The following PRSS12 variants were observed in gnomAD, a reference collection of about 807,000 sequenced individuals.
PRSS12 encodes the protein neurotrypsin.
In PRSS12, 85 loss-of-function variants were observed where a neutral mutation model predicts 104.4. The ratio of observed to expected loss-of-function variants is 0.81; its 90% CI spans 0.68 to 0.98. The LOEUF (loss-of-function observed/expected upper bound fraction) is 0.98, where lower values mean the gene tolerates loss of function less well. PRSS12 is among the 50% of genes least tolerant of loss of function. The pLI, the probability that PRSS12 is intolerant of heterozygous loss-of-function variation, is 0.00. For missense variants in PRSS12, 1,141 were observed against 1,139.2 expected (o/e 1.00, Z -0.02); for synonymous variants, 454 against 425.2 (o/e 1.07, Z -0.83).
At chr4:118,330,002 A>G (rs1514658) in intron 4 of PRSS12, among the ~76,000 whole-genome samples, 81,073 of 152,070 alleles carry the variant, frequency 0.53, 23,753 homozygotes, top group Admixed American at 0.71. Context: ...GTTTTTTCAA[A>G]AGAAACCAAG....
chr4:118,352,777 A>G lies in PRSS12; in HGVS notation c.-57T>C, dbSNP rs116781486. ...CCCCAGCTTCTCGGGCTTGGAGCGG[A>G]GAAGAGGAGGGGGCGGGGGCGGGGC... On this transcript the variant is annotated 5_prime_UTR_variant, in exon 1 of 13. Transcript: ENST00000296498. The G allele has an allele frequency of 1.9e-3, 3,080 of 1,589,314 alleles. 57 individuals are homozygous for G. The African/African-American group carries it at 0.036, about 19-fold the overall frequency.
At chr4:118,305,332 A>G (rs1307070991) in intron 8 of PRSS12, among the ~76,000 whole-genome samples, 1 of 152,036 alleles carries the variant, frequency 6.6e-6, no homozygotes, top group South Asian at 2.1e-4. Flanking sequence ...AATTACTTGT[A>G]AGACTATTTA....
At chr4:118,338,453 G>A in intron 1 of PRSS12, 139 bp from the exon 2 acceptor site, 1 of 1,093,462 alleles carries the variant, frequency 9.1e-7, no homozygotes, top group South Asian at 1.4e-5. Flanking sequence ...ACTGTGTGTG[G>A]CATGTGTTTC....
intron 11 of PRSS12, among the ~76,000 whole-genome samples, chr4:118,292,006 C>CGAT (rs1338008996): frequency 1.3e-5 from 2 of 151,678 alleles, no homozygotes. Flanking sequence ...CAGCAAACCA[C>CGAT]GATGACACGC....
intron 4 of PRSS12, among the ~76,000 whole-genome samples, chr4:118,323,596 T>A (rs1326682808): frequency 6.6e-6 from 1 of 151,874 alleles, no homozygotes. Context: ...ATAGTTTTTA[T>A]AACCTTGGAT....
intron 8 of PRSS12, among the ~76,000 whole-genome samples, chr4:118,304,487 T>G (rs1743488508): frequency 6.6e-6 from 1 of 152,008 alleles, no homozygotes; most frequent in Non-Finnish European, 1.5e-5. Context: ...AGATATCAGA[T>G]ACACTTAATT....
Position 118,352,269 on chromosome 4 carries a change from T to C in PRSS12, c.452A>G (p.Tyr151Cys). ...GTCCACCTTGCCACGGGCGTCTCCG[T>C]AGAAACACCAGGGTCTGCCCGCGCC... The part of the protein sequence containing the change: ...PDGAGRPWCF[Y>C]GDARGKVDWG... The change falls in exon 1 of 13, where the codon TAC becomes TGC. Residue 151 changes from tyrosine (Y) to cysteine (C), a missense_variant. By Grantham distance (194) the Tyr-to-Cys change is radical. Coordinates refer to ENST00000296498, the MANE Select transcript of PRSS12 (RefSeq NM_003619.4). 6.2e-7 allele frequency: 1 copy of C among 1,610,960 alleles called. No individual in the cohort carries two copies. Among genetic ancestry groups the C allele is most frequent in the South Asian group, 1.1e-5 (1 of 90,622 alleles).
intron 8 of PRSS12, among the ~76,000 whole-genome samples, chr4:118,304,153 C>T (rs1461248528): frequency 6.6e-6 from 1 of 151,282 alleles, no homozygotes; most frequent in East Asian, 1.9e-4. Context: ...TGTATATATG[C>T]ATACATGTGT....
At position 118,347,926 on chromosome 4, in the gene PRSS12, A is replaced by G. The variant is rs562926245; in HGVS notation, c.502+4293T>C. ...GAAATGCAAAAATAACCTAGCTCAC[A>G]TTCAATTAATAACCATATTCTGGGC... is the stretch of plus-strand genomic sequence containing the variant. On this transcript the variant is annotated intron_variant, in intron 1 of 12. Coordinates refer to ENST00000296498, the MANE Select transcript of PRSS12 (RefSeq NM_003619.4). 2.0e-5 allele frequency among the ~76,000 whole-genome samples: 3 copies of G among 152,278 alleles called. No individual in the cohort carries two copies. The South Asian group carries it at 6.2e-4, about 32-fold the overall frequency.
intron 6 of PRSS12, among the ~76,000 whole-genome samples, chr4:118,314,310 T>C (rs199634943): frequency 4.0e-5 from 3 of 75,138 alleles, no homozygotes; most frequent in Admixed American, 1.6e-4. Context: ...AATTTTCTTC[T>C]TTTTTTATGC....
chr4:118,289,132 G>T (rs1743077130), intron 11 of PRSS12, among the ~76,000 whole-genome samples: 2 of 152,158 alleles, frequency 1.3e-5, no homozygotes, highest in Admixed American at 6.5e-5. Context: ...ATGGCATTTT[G>T]ATCTCATCCT....
At chr4:118,292,582 C>T (rs953401088) in intron 11 of PRSS12, among the ~76,000 whole-genome samples, 1 of 152,176 alleles carries the variant, frequency 6.6e-6, no homozygotes, top group Non-Finnish European at 1.5e-5. Flanking sequence ...ATCTCTAGTA[C>T]ATAGCAGGTG....
At chr4:118,331,533 T>C (rs111424809) in intron 4 of PRSS12, among the ~76,000 whole-genome samples, 183 bp downstream of exon 4, 16 of 152,300 alleles carry the variant, frequency 1.1e-4, no homozygotes, top group African/African-American at 2.6e-4. Flanking sequence ...CACAAGCAGG[T>C]TAAACCTACA....
intron 11 of PRSS12, among the ~76,000 whole-genome samples, chr4:118,286,998 A>C (rs1479222911): frequency 1.1e-4 from 17 of 152,240 alleles, no homozygotes; most frequent in Admixed American, 1.1e-3. Flanking sequence ...TTTGGCAGGT[A>C]AACCCCAGAA....
chr4:118,282,782 A>G (rs748634344), intron 12 of PRSS12, 49 bp downstream of exon 12: 4 of 1,611,240 alleles, frequency 2.5e-6, no homozygotes, highest in Admixed American at 3.3e-5. Flanking sequence ...AAATATATGG[A>G]TAATACCAGA....
Position 118,281,229 on chromosome 4 carries a change from T to C in PRSS12, c.*707A>G, listed in dbSNP as rs1375530223. ...GTTGTATGTCCAGCTGGCATTTAGT[T>C]ACCAGAAATCCTTTCAAATTTTGCT... On this transcript the variant is annotated 3_prime_UTR_variant, in exon 13 of 13. Coordinates refer to ENST00000296498, the MANE Select transcript of PRSS12 (RefSeq NM_003619.4). 6.6e-6 allele frequency: 1 copy of C among 152,572 alleles called. No homozygotes were observed. Among genetic ancestry groups the C allele is most frequent in the African/African-American group, 2.4e-5 (1 of 41,464 alleles). The allele number at this position is 152,572 out of a possible 1,614,324, so 9.5% of individuals were successfully genotyped here.
At chr4:118,312,359 TACACACAC>T (rs112357551) in intron 7 of PRSS12, among the ~76,000 whole-genome samples, 2 of 150,366 alleles carry the variant, frequency 1.3e-5, no homozygotes, top group African/African-American at 2.4e-5. Flanking sequence ...TTCATACACA[TACACACAC>T]ACACACACGC....
At chr4:118,292,874 G>A (rs1743160940) in intron 11 of PRSS12, among the ~76,000 whole-genome samples, 1 of 152,102 alleles carries the variant, frequency 6.6e-6, no homozygotes, top group East Asian at 1.9e-4. Context: ...AATTAGCCAG[G>A]CATGGTGACG....
At chr4:118,333,034 G>C (rs1338376541) in intron 3 of PRSS12, among the ~76,000 whole-genome samples, 2 of 152,168 alleles carry the variant, frequency 1.3e-5, no homozygotes, top group Admixed American at 1.3e-4. Flanking sequence ...ATGGTTGGGG[G>C]TACTTAGGGA....
Sources: gnomAD v4.1 joint callset for allele counts (sites outside exome capture counted in the v4.1 genomes callset) on GRCh38, gnomAD v4.1.1 for gene constraint, MANE v1.5 for transcripts, NCBI Gene and HGNC (gene_info 2026-07-23, HGNC 2026-07-21) for gene names.